Variants in TSC22D1 observed in about 807,000 individuals in gnomAD.
The protein encoded by TSC22D1 is TSC22 domain family protein 1.
A neutral mutation model predicts 74.2 loss-of-function variants in TSC22D1; 9 were observed. The ratio of observed to expected loss-of-function variants is 0.12; its 90% CI spans 0.07 to 0.21. The LOEUF (loss-of-function observed/expected upper bound fraction) is 0.21, where lower values mean the gene tolerates loss of function less well. TSC22D1 is among the 10% of genes least tolerant of loss of function. The pLI is 1.00. For missense variants in TSC22D1, 1,427 were observed against 1,304.7 expected (o/e 1.09, Z -1.44); for synonymous variants, 586 against 492.5 (o/e 1.19, Z -2.51).
chr13:44,485,764 G>A (rs1252029794), intron 1 of TSC22D1, among the ~76,000 whole-genome samples: 1 of 151,912 alleles, frequency 6.6e-6, no homozygotes, highest in Non-Finnish European at 1.5e-5. Context: ...TAAACCTGTG[G>A]GCCAATCTAA....
At chr13:44,555,295 A>G (rs1368179246) in intron 1 of TSC22D1, among the ~76,000 whole-genome samples, 1 of 152,014 alleles carries the variant, frequency 6.6e-6, no homozygotes, top group Non-Finnish European at 1.5e-5. Context: ...GTAAGCAAAC[A>G]ACAACAACAA....
chr13:44,470,223 A>G (rs1351722157), intron 1 of TSC22D1, among the ~76,000 whole-genome samples: 1 of 152,210 alleles, frequency 6.6e-6, no homozygotes, highest in Admixed American at 6.5e-5. Flanking sequence ...CAAATCTTTT[A>G]TAACAGGTTC....
rs1035793497 is a variant in TSC22D1 at position 44,433,997 on chromosome 13, C to G, written c.*629G>C. 1 of 1,534,228 alleles carries G rather than the reference C, an allele frequency of 6.5e-7. No individual in the cohort carries two copies. The highest frequency in any genetic ancestry group is 8.7e-7 in the Non-Finnish European group (1 of 1,146,504). The stretch of plus-strand genomic sequence containing the variant: ...CACAAATATACAATAAGCAAAACAA[C>G]CTTCATGGTAAGATAGCCTAGGTCC... On this transcript the variant is annotated 3_prime_UTR_variant, in exon 3 of 3. Transcript: ENST00000458659.
At chr13:44,479,222 C>A (rs1459684064) in intron 1 of TSC22D1, among the ~76,000 whole-genome samples, 1 of 152,034 alleles carries the variant, frequency 6.6e-6, no homozygotes, top group African/African-American at 2.4e-5. Flanking sequence ...GAAAACCAAC[C>A]TCTACACCAA....
intron 1 of TSC22D1, among the ~76,000 whole-genome samples, chr13:44,445,237 A>C (rs993875536): frequency 6.6e-6 from 1 of 150,986 alleles, no homozygotes. Flanking sequence ...ACACACACAC[A>C]CACACACACA....
chr13:44,434,569 A>G lies in TSC22D1; in HGVS notation c.*57T>C, dbSNP rs1874358426. ...TGTGGAGGCAGATTCTCCCTAGCAC[A>G]TCTTCTCCGTCTGTTCAGTTCACAC... On this transcript the variant is annotated 3_prime_UTR_variant, in exon 3 of 3. Coordinates refer to ENST00000458659, the MANE Select transcript of TSC22D1 (RefSeq NM_183422.4). 6.7e-7 allele frequency: 1 copy of G among 1,492,438 alleles called. No homozygotes were observed. The highest frequency in any genetic ancestry group is 2.4e-5 in the East Asian group (1 of 42,398). 92.4% of individuals were successfully genotyped at this position (1,492,438 alleles called of 1,614,324 possible).
At chr13:44,539,723 T>G in intron 1 of TSC22D1, 1 of 1,226,010 alleles carries the variant, frequency 8.2e-7, no homozygotes, top group Non-Finnish European at 1.0e-6. Flanking sequence ...GGAAGGACAC[T>G]CCAATCTATA....
intron 1 of TSC22D1, chr13:44,538,266 T>C: frequency 3.0e-6 from 3 of 985,368 alleles, no homozygotes; most frequent in South Asian, 4.7e-5. Context: ...ATATTTCTTC[T>C]ACTTCTCTAT....
chr13:44,475,484 A>G (rs2137918839), intron 1 of TSC22D1, among the ~76,000 whole-genome samples: 1 of 151,484 alleles, frequency 6.6e-6, no homozygotes, highest in East Asian at 1.9e-4. Context: ...AAAAAAATTC[A>G]AGAAAGGAGA....
chr13:44,452,330 G>A (rs1876209832), intron 1 of TSC22D1, among the ~76,000 whole-genome samples: 1 of 152,218 alleles, frequency 6.6e-6, no homozygotes, highest in South Asian at 2.1e-4. Flanking sequence ...ACTACTCTGA[G>A]GCGGTAGGTA....
Position 44,575,154 on chromosome 13 carries a change from A to G in TSC22D1, c.921T>C (p.Val307=). 1 of 1,614,186 alleles carries G rather than the reference A, an allele frequency of 6.2e-7. No individual in the cohort carries two copies. Among genetic ancestry groups the G allele is most frequent in the East Asian group, 2.2e-5 (1 of 44,892 alleles). ...CATTATTTACTGTACTAGTGCCAGT[A>G]ACAGAATTTATACCTATTCCACCTG... is the stretch of plus-strand genomic sequence containing the variant. ...STTGGIGINS[V]TGTSTVNNVN... Residue 307 remains valine (V), a synonymous_variant, in exon 1 of 3, where the codon GTT becomes GTC. Transcript: ENST00000458659.
At chr13:44,544,658 G>T (rs1323454494) in intron 1 of TSC22D1, among the ~76,000 whole-genome samples, 1 of 151,706 alleles carries the variant, frequency 6.6e-6, no homozygotes, top group African/African-American at 2.4e-5. Context: ...AAGCTGTAAT[G>T]AAAACAGAAA....
rs1010646645 is a variant in TSC22D1 at position 44,434,275 on chromosome 13, A to C, written c.*351T>G. 1.9e-5 allele frequency: 27 copies of C among 1,389,010 alleles called. No homozygotes were observed. The highest frequency in any genetic ancestry group is 2.4e-5 in the Non-Finnish European group (26 of 1,082,596). The allele number at this position is 1,389,010 out of a possible 1,614,324, so 86.0% of individuals were successfully genotyped here. ...CCCATGTAGGACACTAAGCGCAAGC[A>C]GGAGAGAGAACCCTTGGAAGTGAGG... On this transcript the variant is annotated 3_prime_UTR_variant, in exon 3 of 3. Coordinates refer to ENST00000458659, the MANE Select transcript of TSC22D1 (RefSeq NM_183422.4).
At chr13:44,485,732 G>C (rs1466153307) in intron 1 of TSC22D1, among the ~76,000 whole-genome samples, 3 of 152,016 alleles carry the variant, frequency 2.0e-5, no homozygotes, top group Non-Finnish European at 4.4e-5. Flanking sequence ...TTACAAGAAA[G>C]AACAGTAGGC....
At chr13:44,536,190 G>A (rs1323400116) in intron 1 of TSC22D1, among the ~76,000 whole-genome samples, 1 of 151,628 alleles carries the variant, frequency 6.6e-6, no homozygotes, top group Non-Finnish European at 1.5e-5. Flanking sequence ...TTCTTTCAGA[G>A]TATTAATTTC....
At chr13:44,460,200 C>G (rs1199920424) in intron 1 of TSC22D1, among the ~76,000 whole-genome samples, 2 of 152,216 alleles carry the variant, frequency 1.3e-5, no homozygotes, top group Admixed American at 1.3e-4. Flanking sequence ...GTGTTCTGAA[C>G]TACTTGGTTT....
chr13:44,473,599 GTA>G (rs967094996), intron 1 of TSC22D1, among the ~76,000 whole-genome samples: 2 of 32,894 alleles, frequency 6.1e-5, no homozygotes, highest in African/African-American at 2.6e-4. Flanking sequence ...AGTAGAAGCA[GTA>G]TATATGTGTG....
intron 1 of TSC22D1, chr13:44,436,880 A>T: frequency 8.4e-7 from 1 of 1,187,264 alleles, no homozygotes; most frequent in South Asian, 3.4e-5. Context: ...GTCTTAGTGC[A>T]AAATATATGC....
At chr13:44,514,867 A>T (rs1157301650) in intron 1 of TSC22D1, among the ~76,000 whole-genome samples, 1 of 152,202 alleles carries the variant, frequency 6.6e-6, no homozygotes, top group Non-Finnish European at 1.5e-5. Flanking sequence ...CTCAAAGAAA[A>T]AAATAAATAA....
Sources: allele counts gnomAD v4.1 joint callset (sites outside exome capture counted in the v4.1 genomes callset), GRCh38; gene constraint gnomAD v4.1.1; transcripts MANE v1.5; gene names NCBI Gene and HGNC (gene_info 2026-07-23, HGNC 2026-07-21).